Variants in MAGI3 observed in about 807,000 individuals in gnomAD.
The protein encoded by MAGI3 is membrane associated guanylate kinase, WW and PDZ domain containing 3, also known as membrane-associated guanylate kinase, WW and PDZ domain-containing protein 3.
In MAGI3, 43 loss-of-function variants were observed where a neutral mutation model predicts 121.8. The observed-to-expected ratio is 0.35, with a 90% CI of 0.28 to 0.46. The LOEUF (loss-of-function observed/expected upper bound fraction) is 0.46. MAGI3 is among the 20% of genes least tolerant of loss of function. MAGI3 has a pLI of 1.00. For missense variants in MAGI3, 1,547 were observed against 1,797.3 expected (o/e 0.86, Z 2.52); for synonymous variants, 553 against 639.3 (o/e 0.86, Z 2.04).
intron 1 of MAGI3, among the ~76,000 whole-genome samples, chr1:113,457,427 T>C (rs1020464764): frequency 6.6e-6 from 1 of 152,158 alleles, no homozygotes; most frequent in Admixed American, 6.5e-5. Flanking sequence ...CAGTAACAGG[T>C]TGATAAGCAG....
At chr1:113,575,383 T>C (rs1018062628) in intron 2 of MAGI3, among the ~76,000 whole-genome samples, 1 of 152,112 alleles carries the variant, frequency 6.6e-6, no homozygotes, top group African/African-American at 2.4e-5. Context: ...TGGGTGAGCG[T>C]CCTTTTGGTT....
intron 1 of MAGI3, among the ~76,000 whole-genome samples, chr1:113,458,969 C>T (rs934127518): frequency 3.3e-5 from 5 of 152,070 alleles, no homozygotes; most frequent in African/African-American, 1.2e-4. Context: ...CCTGTAAGTT[C>T]CTGGTTTTGA....
chr1:113,659,968 A>G (rs1324554724), intron 16 of MAGI3, among the ~76,000 whole-genome samples: 2 of 152,306 alleles, frequency 1.3e-5, no homozygotes, highest in East Asian at 1.9e-4. Flanking sequence ...AAACAGAATT[A>G]TGAAGGGTCA....
chr1:113,509,671 C>T lies in MAGI3; in HGVS notation c.317-39844C>T, dbSNP rs1457973371. On this transcript the variant is annotated intron_variant, in intron 1 of 20. Transcript: ENST00000307546. ...TCTCCAGATTTAAAAAAATAGTATGCTGATTTCTATAACAAAGCTTTTTTT... is the reference window on the plus strand; with the variant it reads ...TCTCCAGATTTAAAAAAATAGTATGTTGATTTCTATAACAAAGCTTTTTTT... Among the ~76,000 whole-genome samples the T allele has an allele frequency of 3.3e-5, 4 of 119,940 alleles. No individual in the cohort carries two copies. The Admixed American group carries it at 3.9e-4, about 12-fold the overall frequency. The allele number at this position is 119,940 out of a possible 152,430, so 78.7% of individuals were successfully genotyped here.
intron 9 of MAGI3, among the ~76,000 whole-genome samples, chr1:113,630,951 AG>A (rs1395233908): frequency 2.6e-5 from 4 of 152,140 alleles, no homozygotes; most frequent in African/African-American, 9.7e-5. Flanking sequence ...CGGGGCCCAG[AG>A]CACTCCAGCC....
At chr1:113,668,470 A>G (rs1008499956) in intron 16 of MAGI3, among the ~76,000 whole-genome samples, 2 of 152,144 alleles carry the variant, frequency 1.3e-5, no homozygotes, top group Non-Finnish European at 2.9e-5. Context: ...TGGAGAAGCC[A>G]TGTAGCACGG....
intron 1 of MAGI3, among the ~76,000 whole-genome samples, chr1:113,423,537 C>T (rs941870895): frequency 3.9e-5 from 6 of 152,144 alleles, no homozygotes; most frequent in Non-Finnish European, 5.9e-5. Flanking sequence ...TCCCAAAGTG[C>T]TGGGATTACA....
chr1:113,429,366 C>T (rs939614069), intron 1 of MAGI3, among the ~76,000 whole-genome samples: 3 of 152,150 alleles, frequency 2.0e-5, no homozygotes, highest in Non-Finnish European at 2.9e-5. Context: ...AATGAAGCAA[C>T]GAAAGCATGT....
At chr1:113,511,484 G>A (rs868753011) in intron 1 of MAGI3, among the ~76,000 whole-genome samples, 1 of 152,196 alleles carries the variant, frequency 6.6e-6, no homozygotes, top group Admixed American at 6.5e-5. Flanking sequence ...GAAGAAGGGT[G>A]CCACTCATAC....
At chr1:113,636,987 CTTCT>C (rs1308410774) in intron 9 of MAGI3, among the ~76,000 whole-genome samples, 1 of 152,078 alleles carries the variant, frequency 6.6e-6, no homozygotes, top group Non-Finnish European at 1.5e-5. Context: ...ATGTAATGGC[CTTCT>C]TTGTCTCTTT....
At chr1:113,680,366 T>A (rs987618548) in intron 19 of MAGI3, among the ~76,000 whole-genome samples, 1 of 152,038 alleles carries the variant, frequency 6.6e-6, no homozygotes, top group Non-Finnish European at 1.5e-5. Flanking sequence ...CCTGCGAGAG[T>A]TGATAAGAGG....
intron 6 of MAGI3, among the ~76,000 whole-genome samples, chr1:113,610,584 A>G (rs184166954): frequency 2.6e-3 from 390 of 152,258 alleles, no homozygotes; most frequent in Admixed American, 5.4e-3. Flanking sequence ...TTCAACAGAT[A>G]TGACATCCCC....
intron 9 of MAGI3, among the ~76,000 whole-genome samples, chr1:113,639,477 T>G (rs1039212509): frequency 5.3e-5 from 8 of 152,068 alleles, no homozygotes; most frequent in Non-Finnish European, 1.2e-4. Flanking sequence ...TCTCGGCTCA[T>G]TGCAACCTCC....
At chr1:113,492,197 T>G (rs1656703202) in intron 1 of MAGI3, among the ~76,000 whole-genome samples, 1 of 152,218 alleles carries the variant, frequency 6.6e-6, no homozygotes, top group Non-Finnish European at 1.5e-5. Context: ...ATCCCTGAGA[T>G]GCAAGGTTGG....
intron 9 of MAGI3, among the ~76,000 whole-genome samples, chr1:113,640,135 A>G (rs1479731907): frequency 6.6e-6 from 1 of 152,256 alleles, no homozygotes; most frequent in Non-Finnish European, 1.5e-5. Context: ...AAAAAAGCTC[A>G]ACATCGCTGA....
At chr1:113,478,438 G>A (rs1317973223) in intron 1 of MAGI3, among the ~76,000 whole-genome samples, 2 of 151,924 alleles carry the variant, frequency 1.3e-5, no homozygotes, top group Non-Finnish European at 1.5e-5. Context: ...TTTTGTTGAC[G>A]TTGATGCTAT....
intron 13 of MAGI3, 145 bp from the exon 14 acceptor site, chr1:113,650,869 T>C (rs927120939): frequency 1.5e-6 from 1 of 687,990 alleles, no homozygotes; most frequent in Non-Finnish European, 2.4e-6. Context: ...GGGCACTTTC[T>C]CAGATAATAC....
At chr1:113,590,059 G>A (rs777749571) in intron 4 of MAGI3, among the ~76,000 whole-genome samples, 9 of 152,024 alleles carry the variant, frequency 5.9e-5, no homozygotes, top group Non-Finnish European at 1.2e-4. Flanking sequence ...TAACCTCTCT[G>A]TGCCTTAGTT....
intron 1 of MAGI3, among the ~76,000 whole-genome samples, chr1:113,415,612 CATG>C (rs988867269): frequency 1.3e-5 from 2 of 151,902 alleles, no homozygotes; most frequent in Non-Finnish European, 2.9e-5. Flanking sequence ...TTTCCAAATC[CATG>C]ATGATATCTC....
Sources: allele counts gnomAD v4.1 joint callset (sites outside exome capture counted in the v4.1 genomes callset), GRCh38; gene constraint gnomAD v4.1.1; transcripts MANE v1.5; gene names NCBI Gene and HGNC (gene_info 2026-07-23, HGNC 2026-07-21).